The following TF variants were observed in gnomAD, a reference collection of about 807,000 sequenced individuals.
The protein encoded by TF is transferrin.
A neutral mutation model predicts 82.4 loss-of-function variants in TF; 55 were observed. The observed-to-expected ratio is 0.67, with a 90% CI of 0.54 to 0.84. TF has a LOEUF of 0.84. TF is among the 40% of genes least tolerant of loss of function. TF has a pLI of 0.00. For synonymous variants in TF, 332 were observed against 332.6 expected (o/e 1.00, Z 0.02); for missense variants, 737 against 868.4 (o/e 0.85, Z 1.90).
chr3:133,722,749 T>C, the TF span, among the ~76,000 whole-genome samples: 19 of 152,184 alleles, frequency 1.2e-4, 1 homozygote, highest in Non-Finnish European at 2.5e-4. Context: ...CCACTAATTG[T>C]AGTTGTTTTT....
the TF span, among the ~76,000 whole-genome samples, chr3:133,729,901 G>T: frequency 2.0e-5 from 3 of 151,992 alleles, no homozygotes; most frequent in Middle Eastern, 3.4e-3. Context: ...TTGTTTGTCT[G>T]TGTTCTCTTG....
the TF span, among the ~76,000 whole-genome samples, chr3:133,674,572 G>A: frequency 6.6e-6 from 1 of 152,228 alleles, no homozygotes; most frequent in African/African-American, 2.4e-5. Context: ...GCGCGAGAGT[G>A]GGGTGGGTGA....
the TF span, among the ~76,000 whole-genome samples, chr3:133,720,481 C>T: frequency 6.6e-6 from 1 of 152,010 alleles, no homozygotes; most frequent in South Asian, 2.1e-4. Context: ...TTTAATGTGC[C>T]ATTTGATTGC....
In TF at chr3:133,784,964, G is replaced by C. The variant is rs1272295071; in HGVS notation, c.*6344G>C. 2.5e-5 allele frequency: 2 copies of C among 79,990 alleles called. 1 individual carries two copies. Among genetic ancestry groups the C allele is most frequent in the Non-Finnish European group, 6.3e-5 (2 of 31,796 alleles). 5.0% of individuals were successfully genotyped at this position (79,990 alleles called of 1,614,324 possible). A position where few individuals can be genotyped will look rare whatever the true frequency, so the allele number is the denominator to read the frequency against. On this transcript the variant is annotated 3_prime_UTR_variant, in exon 17 of 17. Transcript: ENST00000402696. ...AGGGAGGTGGGGGGGTCAGCCCCCCGCCTGGCCAGCCGCCCCGTCCGGGAG... is the reference window on the plus strand; with the variant it reads ...AGGGAGGTGGGGGGGTCAGCCCCCCCCCTGGCCAGCCGCCCCGTCCGGGAG...
In TF at chr3:133,790,353, T is replaced by C. The variant is rs749192653; in HGVS notation, c.*11733T>C. On this transcript the variant is annotated 3_prime_UTR_variant, in exon 17 of 17. Coordinates refer to ENST00000402696, the MANE Select transcript of TF (RefSeq NM_001063.4). ...TTTAGGTTACTAAGGATAAGAATTC[T>C]AGTTAACACATAATTCTGTATACAA... 1.3e-5 allele frequency: 2 copies of C among 152,226 alleles called. No homozygotes were observed. The highest frequency in any genetic ancestry group is 2.4e-5 in the African/African-American group (1 of 41,464). The allele number at this position is 152,226 out of a possible 1,614,324, so 9.4% of individuals were successfully genotyped here.
the TF span, among the ~76,000 whole-genome samples, chr3:133,729,524 C>T: frequency 1.5e-3 from 223 of 152,326 alleles, no homozygotes; most frequent in African/African-American, 4.8e-3. Flanking sequence ...GCGCAGTATT[C>T]GGGTGGAAGT....
rs936011031 is a variant in TF, at chr3:133,786,848, T to C, written c.*8228T>C. On this transcript the variant is annotated 3_prime_UTR_variant, in exon 17 of 17. Coordinates refer to ENST00000402696, the MANE Select transcript of TF (RefSeq NM_001063.4). ...TTAACTTCTTACCTGAAACATCTTA[T>C]CTATGTAGATGTTCAGAATTGCCTG... 4 of 152,244 alleles carry C rather than the reference T, an allele frequency of 2.6e-5. No homozygotes were observed. The highest frequency in any genetic ancestry group is 5.9e-5 in the Non-Finnish European group (4 of 68,048). The allele number at this position is 152,244 out of a possible 1,614,324, so 9.4% of individuals were successfully genotyped here. A position where few individuals can be genotyped will look rare whatever the true frequency, so the allele number is the denominator to read the frequency against.
chr3:133,792,606 T>C lies in TF; in HGVS notation c.*13986T>C, dbSNP rs1438056117. On this transcript the variant is annotated 3_prime_UTR_variant, in exon 17 of 17. Transcript: ENST00000402696. ...CACCAAAAGTAAAACTCGCTAAGAG[T>C]TAACATTGTAACATGTAAGTGAGAC... The C allele has an allele frequency of 6.6e-6, 1 of 152,182 alleles. No individual in the cohort carries two copies. The highest frequency in any genetic ancestry group is 2.4e-5 in the African/African-American group (1 of 41,438). 9.4% of individuals were successfully genotyped at this position (152,182 alleles called of 1,614,324 possible).
chr3:133,752,595 T>C (rs190055396), intron 2 of TF, among the ~76,000 whole-genome samples: 44 of 152,260 alleles, frequency 2.9e-4, no homozygotes, highest in Middle Eastern at 3.4e-3. Flanking sequence ...AGAAGGCAGC[T>C]ATAATATTTC....
At chr3:133,685,586 T>G in the TF span, among the ~76,000 whole-genome samples, 1 of 152,100 alleles carries the variant, frequency 6.6e-6, no homozygotes, top group South Asian at 2.1e-4. Context: ...AAATCATGAG[T>G]GAACTCCCAT....
rs1934611791 is a variant in TF at position 133,784,666 on chromosome 3, T to C, written c.*6046T>C. On this transcript the variant is annotated 3_prime_UTR_variant, in exon 17 of 17. Coordinates refer to ENST00000402696, the MANE Select transcript of TF (RefSeq NM_001063.4). ...TTGCACGCTCCTTATGAGACTCTAATAATGCCTGATGATCTGAGGTGGAAC... is the reference window on the plus strand; with the variant it reads ...TTGCACGCTCCTTATGAGACTCTAACAATGCCTGATGATCTGAGGTGGAAC... 1 of 152,004 alleles carries C rather than the reference T, an allele frequency of 6.6e-6. No homozygotes were observed. Among genetic ancestry groups the C allele is most frequent in the South Asian group, 2.1e-4 (1 of 4,812 alleles). 9.4% of individuals were successfully genotyped at this position (152,004 alleles called of 1,614,324 possible).
At chr3:133,772,330 G>T (rs1934280167) in intron 14 of TF, among the ~76,000 whole-genome samples, 1 of 152,046 alleles carries the variant, frequency 6.6e-6, no homozygotes, top group Non-Finnish European at 1.5e-5. Context: ...GTACTTTTCT[G>T]AGTAGAGCTC....
chr3:133,687,470 C>A, the TF span, among the ~76,000 whole-genome samples: 7 of 152,142 alleles, frequency 4.6e-5, no homozygotes, highest in Admixed American at 2.0e-4. Context: ...GTGTACAAAT[C>A]AGTGGTATTT....
intron 11 of TF, among the ~76,000 whole-genome samples, chr3:133,765,971 A>G (rs1333116532): frequency 6.6e-6 from 1 of 152,206 alleles, no homozygotes; most frequent in African/African-American, 2.4e-5. Context: ...CATTCCTCTG[A>G]TAGGACTCAT....
chr3:133,770,387 A>G (rs920944103), intron 13 of TF, 121 bp from the exon 14 acceptor site: 2 of 857,574 alleles, frequency 2.3e-6, no homozygotes, highest in Non-Finnish European at 4.1e-6. Flanking sequence ...TTACTGTTAG[A>G]ATGGAAGTTA....
chr3:133,749,818 G>T (rs1933610251), intron 2 of TF, among the ~76,000 whole-genome samples: 1 of 152,212 alleles, frequency 6.6e-6, no homozygotes, highest in South Asian at 2.1e-4. Flanking sequence ...GGGGGAAAGA[G>T]CTAGGCTCCA....
At chr3:133,733,411 AGT>A in the TF span, among the ~76,000 whole-genome samples, 3 of 152,318 alleles carry the variant, frequency 2.0e-5, no homozygotes. Flanking sequence ...TCCTGTAAAT[AGT>A]GTGTCAGGGA....
At position 133,792,185 on chromosome 3, in the gene TF, T is replaced by G. The variant is rs1934855818; in HGVS notation, c.*13565T>G. The G allele has an allele frequency of 6.6e-6, 1 of 152,128 alleles. No individual in the cohort carries two copies. Among genetic ancestry groups the G allele is most frequent in the Non-Finnish European group, 1.5e-5 (1 of 68,030 alleles). The allele number at this position is 152,128 out of a possible 1,614,324, so 9.4% of individuals were successfully genotyped here. On this transcript the variant is annotated 3_prime_UTR_variant, in exon 17 of 17. Coordinates refer to ENST00000402696, the MANE Select transcript of TF (RefSeq NM_001063.4). ...TAGAATTAGCCATGTCCCCTAGCTA[T>G]GCAAAGAAGGTTATAAAGAAAGGAG... is the stretch of plus-strand genomic sequence containing the variant.
chr3:133,732,812 C>G, the TF span, among the ~76,000 whole-genome samples: 1 of 135,734 alleles, frequency 7.4e-6, no homozygotes, highest in Non-Finnish European at 1.6e-5. Flanking sequence ...ATGAACCCAC[C>G]AATTCCGGAC....
Sources: gnomAD v4.1 joint callset for allele counts (sites outside exome capture counted in the v4.1 genomes callset) on GRCh38, gnomAD v4.1.1 for gene constraint, MANE v1.5 for transcripts, NCBI Gene and HGNC (gene_info 2026-07-23, HGNC 2026-07-21) for gene names.